The following KIRREL3 variants were observed in gnomAD, a reference collection of about 807,000 sequenced individuals.
KIRREL3 encodes the protein kin of IRRE-like protein 3.
Under a neutral mutation model 89.7 loss-of-function variants are expected in KIRREL3, and 36 were observed. The ratio of observed to expected loss-of-function variants is 0.40; its 90% CI spans 0.31 to 0.53. The LOEUF is 0.53. Among genes scored for constraint, KIRREL3 ranks in the 20% least tolerant of loss-of-function variants. The pLI is 0.49. For missense variants in KIRREL3, 864 were observed against 1,056.6 expected, an observed-to-expected ratio of 0.82 and a Z score of 2.53; for synonymous variants, 445 against 441.4, an observed-to-expected ratio of 1.01 and a Z score of -0.10.
chr11:126,781,840 T>A (rs576587027), intron 1 of KIRREL3, among the ~76,000 whole-genome samples: 1 of 152,298 alleles, frequency 6.6e-6, no homozygotes, highest in South Asian at 2.1e-4. Flanking sequence ...AAAAATGACC[T>A]TATTCATTGG....
rs1944416517 is a variant in KIRREL3 at position 126,640,249 on chromosome 11, G to GA, written c.56-77338dup. Among the ~76,000 whole-genome samples, 1 of 152,110 alleles carries GA rather than the reference G, an allele frequency of 6.6e-6. No homozygotes were observed. The highest frequency in any genetic ancestry group is 2.4e-5 in the African/African-American group (1 of 41,434). ...AGAGTGGAAACTGACCCACCCTGAGGAATAGCCATGGGCAGTGGGTATGTG... is the reference window on the plus strand; with the variant it reads ...AGAGTGGAAACTGACCCACCCTGAGGAAATAGCCATGGGCAGTGGGTATGTG... On this transcript the variant is annotated intron_variant, in intron 1 of 16. Transcript: ENST00000525144. The surrounding 1 kb of genome is among the most constrained non-coding windows in gnomAD (Gnocchi z 4.9).
At chr11:126,718,069 A>G (rs1457730934) in intron 1 of KIRREL3, among the ~76,000 whole-genome samples, 1 of 152,186 alleles carries the variant, frequency 6.6e-6, no homozygotes. Flanking sequence ...TTTCTGGGTA[A>G]GAGATTCAAT....
chr11:126,457,303 GTA>G (rs1210601934), intron 6 of KIRREL3, among the ~76,000 whole-genome samples: 7 of 151,644 alleles, frequency 4.6e-5, no homozygotes, highest in Admixed American at 6.6e-5. Flanking sequence ...GTATGCGTGT[GTA>G]TGTCTCTGTG....
chr11:126,699,155 A>C lies in KIRREL3; in HGVS notation c.56-136243T>G, dbSNP rs554559338. Reference sequence around the variant, plus strand: ...TGAAGGCTAGAGGTGTGGTGGTGGCAGTGGGTGCCACGAGGTGTGACCTAT... The same window carrying C: ...TGAAGGCTAGAGGTGTGGTGGTGGCCGTGGGTGCCACGAGGTGTGACCTAT... On this transcript the variant is annotated intron_variant, in intron 1 of 16. Coordinates refer to ENST00000525144, the MANE Select transcript of KIRREL3 (RefSeq NM_032531.4). 2.0e-5 allele frequency among the ~76,000 whole-genome samples: 3 copies of C among 152,324 alleles called. No homozygotes were observed. The East Asian group carries it at 5.8e-4, about 29-fold the overall frequency.
chr11:126,457,479 TTATATGTA>T (rs1565471047), intron 6 of KIRREL3, among the ~76,000 whole-genome samples: 1 of 150,548 alleles, frequency 6.6e-6, no homozygotes, highest in Non-Finnish European at 1.5e-5. Flanking sequence ...GTGTGTATGC[TTATATGTA>T]TGTATGTATG....
chr11:126,460,137 G>A (rs774770476), intron 6 of KIRREL3, among the ~76,000 whole-genome samples: 5 of 152,106 alleles, frequency 3.3e-5, no homozygotes, highest in African/African-American at 9.7e-5. Flanking sequence ...GGGAGGGAGC[G>A]GGTGGAGAAC....
At chr11:126,816,340 G>GGAA (rs1951572501) in intron 1 of KIRREL3, among the ~76,000 whole-genome samples, 1 of 152,102 alleles carries the variant, frequency 6.6e-6, no homozygotes, top group South Asian at 2.1e-4. Flanking sequence ...TCCTTTAAGG[G>GGAA]GAAGACTTCT....
At chr11:126,648,317 C>T (rs1207890117) in intron 1 of KIRREL3, among the ~76,000 whole-genome samples, 1 of 152,182 alleles carries the variant, frequency 6.6e-6, no homozygotes, top group Non-Finnish European at 1.5e-5. Context: ...CTTGTGCTGG[C>T]CTCTTTGCTG....
Position 126,916,961 on chromosome 11 carries a change from C to T in KIRREL3, c.55+83494G>A, listed in dbSNP as rs899404634. ...TCTCCTACGACTGTTTCTGCGGGGA[C>T]AGTTGGTCACCCTATACATGTAAAT... On this transcript the variant is annotated intron_variant, in intron 1 of 16. Transcript: ENST00000525144. Among the ~76,000 whole-genome samples the T allele has an allele frequency of 3.9e-5, 6 of 152,198 alleles. No homozygotes were observed. In the East Asian group the frequency reaches 1.2e-3, roughly 29 times the overall value.
chr11:126,872,766 G>C lies in KIRREL3; in HGVS notation c.55+127689C>G, dbSNP rs1945150127. On this transcript the variant is annotated intron_variant, in intron 1 of 16. Coordinates refer to ENST00000525144, the MANE Select transcript of KIRREL3 (RefSeq NM_032531.4). This position sits in a 1 kb window ranked among gnomAD's most constrained non-coding sequence, Gnocchi z 4.2. ...AATGGTGCTGAATATGAATGAGAAAGTAAATTAGATACTGATCAGCTCTCC... is the reference window on the plus strand; with the variant it reads ...AATGGTGCTGAATATGAATGAGAAACTAAATTAGATACTGATCAGCTCTCC... Among the ~76,000 whole-genome samples, 2 of 152,212 alleles carry C rather than the reference G, an allele frequency of 1.3e-5. No individual in the cohort carries two copies. The highest frequency in any genetic ancestry group is 4.8e-5 in the African/African-American group (2 of 41,440).
At position 126,526,703 on chromosome 11, in the gene KIRREL3, A is replaced by G; in HGVS notation, c.134-16T>C. 6.4e-7 allele frequency: 1 copy of G among 1,553,388 alleles called. No homozygotes were observed. Among genetic ancestry groups the G allele is most frequent in the Non-Finnish European group, 8.7e-7 (1 of 1,147,552 alleles). On this transcript the variant is annotated splice_polypyrimidine_tract_variant and intron_variant, in intron 2 of 16. Transcript: ENST00000525144. The surrounding 1 kb of genome is among the most constrained non-coding windows in gnomAD (Gnocchi z 5.7). ...TAGACTTGGCCTGGGAAGGAGACAA[A>G]CACAATGGTCAGTTATCTGCCGGCT...
chr11:126,716,656 C>T (rs1947972589), intron 1 of KIRREL3, among the ~76,000 whole-genome samples: 1 of 147,122 alleles, frequency 6.8e-6, no homozygotes, highest in Non-Finnish European at 1.5e-5. Flanking sequence ...AGCTATCACC[C>T]TGGAAGAAAC....
rs897581801 is a variant in KIRREL3, at chr11:126,795,456, G to A, written c.55+204999C>T. 3.3e-5 allele frequency among the ~76,000 whole-genome samples: 5 copies of A among 152,234 alleles called. 1 individual carries two copies. The highest frequency in any genetic ancestry group is 9.6e-5 in the African/African-American group (4 of 41,528). ...GTGATCTCTGCTCACTGCAACCTCCGCTTCCCGGATTCAAGCGATTCTCCT... is the reference window on the plus strand; with the variant it reads ...GTGATCTCTGCTCACTGCAACCTCCACTTCCCGGATTCAAGCGATTCTCCT... On this transcript the variant is annotated intron_variant, in intron 1 of 16. Transcript: ENST00000525144. The surrounding 1 kb of genome is among the most constrained non-coding windows in gnomAD (Gnocchi z 4.1).
intron 1 of KIRREL3, among the ~76,000 whole-genome samples, chr11:126,850,736 T>C (rs965238282): frequency 3.9e-5 from 6 of 152,170 alleles, no homozygotes; most frequent in Non-Finnish European, 1.5e-5. Context: ...AGGACTCAAC[T>C]GGTTGAAATG....
At chr11:126,972,874 T>C (rs1199606806) in intron 1 of KIRREL3, among the ~76,000 whole-genome samples, 1 of 152,148 alleles carries the variant, frequency 6.6e-6, no homozygotes. Flanking sequence ...AAGTCATTTT[T>C]TCATTTTCCG....
At chr11:126,532,668 A>G (rs1783993) in intron 2 of KIRREL3, among the ~76,000 whole-genome samples, 90,829 of 151,708 alleles carry the variant, frequency 0.6, 27,757 homozygotes, top group East Asian at 0.94. Context: ...GAGCCACTAC[A>G]CCTGGCCCAG....
At position 126,424,798 on chromosome 11, in the gene KIRREL3, A is replaced by G. The variant is rs1954867256; in HGVS notation, c.2119T>C (p.Cys707Arg). Reference sequence around the variant, plus strand: ...GAGCCTCTCTGGAACTCCCGCTCACAAAGCTCGATGGACGAGCTGCCCATG... The same window carrying G: ...GAGCCTCTCTGGAACTCCCGCTCACGAAGCTCGATGGACGAGCTGCCCATG... ...LGMGSSSIEL[C>R]EREFQRGSLS... is the part of the protein sequence containing the mutation. The change falls in exon 17 of 17, where the codon TGT (cysteine) becomes CGT (arginine). Residue 707 changes from cysteine to arginine, a missense_variant. Transcript: ENST00000525144. 6.2e-7 allele frequency: 1 copy of G among 1,613,944 alleles called. No homozygotes were observed. Among genetic ancestry groups the G allele is most frequent in the South Asian group, 1.1e-5 (1 of 91,092 alleles).
At chr11:126,654,633 G>C (rs377522062) in intron 1 of KIRREL3, among the ~76,000 whole-genome samples, 8 of 152,064 alleles carry the variant, frequency 5.3e-5, no homozygotes, top group Admixed American at 2.6e-4. Flanking sequence ...TCCTGCATCT[G>C]TCTGGAGGGG....
chr11:126,832,723 T>C (rs973891764), intron 1 of KIRREL3, among the ~76,000 whole-genome samples: 3 of 152,154 alleles, frequency 2.0e-5, no homozygotes, highest in Non-Finnish European at 4.4e-5. Context: ...TGAGCGGACA[T>C]AGATTTTGAA....
Sources: gnomAD v4.1 joint callset for allele counts (sites outside exome capture counted in the v4.1 genomes callset) on GRCh38, gnomAD v4.1.1 for gene constraint, Gnocchi (gnomAD v3.1) non-coding constraint, MANE v1.5 for transcripts, NCBI Gene and HGNC (gene_info 2026-07-23, HGNC 2026-07-21) for gene names.